TXLNB: variants seen among roughly 807,000 people sequenced by gnomAD.
TXLNB encodes the protein beta-taxilin.
In TXLNB, 37 loss-of-function variants were observed where a neutral mutation model predicts 57.4. The ratio of observed to expected loss-of-function variants is 0.64; its 90% CI spans 0.50 to 0.85. The LOEUF (loss-of-function observed/expected upper bound fraction) is 0.85, where lower values mean the gene tolerates loss of function less well. TXLNB is among the 40% of genes least tolerant of loss of function. TXLNB has a pLI of 0.00. For missense variants in TXLNB, 848 were observed against 825.6 expected (o/e 1.03, Z -0.33); for synonymous variants, 302 against 309.6 (o/e 0.98, Z 0.26).
chr6:139,194,031 C>T, the TXLNB span, among the ~76,000 whole-genome samples: 9 of 151,082 alleles, frequency 6.0e-5, no homozygotes, highest in African/African-American at 1.7e-4. Context: ...TTAGTAGAGA[C>T]GGGGTTTCAC....
At chr6:139,246,429 G>A (rs1776067711) in intron 8 of TXLNB, among the ~76,000 whole-genome samples, 3 of 152,092 alleles carry the variant, frequency 2.0e-5, no homozygotes, top group Admixed American at 1.3e-4. Flanking sequence ...ATCCCTGTTC[G>A]GAAACACAGT....
chr6:139,188,020 T>A, the TXLNB span, among the ~76,000 whole-genome samples: 4 of 152,206 alleles, frequency 2.6e-5, no homozygotes, highest in Non-Finnish European at 4.4e-5. Flanking sequence ...TCAACACTTA[T>A]TTTACCGATG....
the TXLNB span, among the ~76,000 whole-genome samples, chr6:139,302,753 C>T: frequency 7.0e-6 from 1 of 142,382 alleles, no homozygotes; most frequent in Non-Finnish European, 1.5e-5. Context: ...CATTGCCCTC[C>T]AGCTTGGGCA....
the TXLNB span, among the ~76,000 whole-genome samples, chr6:139,311,809 G>A: frequency 6.6e-6 from 1 of 152,100 alleles, no homozygotes; most frequent in Non-Finnish European, 1.5e-5. Flanking sequence ...TAGGCTGGAT[G>A]GCTTAAACAA....
chr6:139,177,052 G>T, the TXLNB span: 1 of 867,544 alleles, frequency 1.2e-6, no homozygotes, highest in Admixed American at 1.7e-5. The surrounding 1 kb of genome is among the most constrained non-coding windows in gnomAD (Gnocchi z 4.9). Context: ...TGGGAACCTG[G>T]ACTACCACTT....
chr6:139,238,237 T>C (rs1002197298), downstream of TXLNB, among the ~76,000 whole-genome samples: 2 of 151,872 alleles, frequency 1.3e-5, no homozygotes, highest in African/African-American at 2.4e-5. Flanking sequence ...CTACTAAAAA[T>C]ACAAAAGTTA....
At chr6:139,292,355 T>C (rs1777321139), upstream of TXLNB, among the ~76,000 whole-genome samples, 1 of 152,200 alleles carries the variant, frequency 6.6e-6, no homozygotes, top group Non-Finnish European at 1.5e-5. This position sits in a 1 kb window ranked among gnomAD's most constrained non-coding sequence, Gnocchi z 4.0. Flanking sequence ...GTTGTCCTTT[T>C]TGGGTAGAGA....
At chr6:139,162,480 G>C in the TXLNB span, among the ~76,000 whole-genome samples, 2 of 152,234 alleles carry the variant, frequency 1.3e-5, no homozygotes, top group South Asian at 2.1e-4. Flanking sequence ...GCTCATAAAT[G>C]GTCCTGCCTG....
At position 139,242,231 on chromosome 6, in the gene TXLNB, A is replaced by C. The variant is rs1174028420; in HGVS notation, c.*295T>G. 8.3e-6 allele frequency: 2 copies of C among 241,684 alleles called. No individual in the cohort carries two copies. 15.0% of individuals were successfully genotyped at this position (241,684 alleles called of 1,614,324 possible). A position where few individuals can be genotyped will look rare whatever the true frequency, so the allele number is the denominator to read the frequency against. On this transcript the variant is annotated 3_prime_UTR_variant, in exon 10 of 10. Coordinates refer to ENST00000358430, the MANE Select transcript of TXLNB (RefSeq NM_153235.4). ...CATCAAATCTTACTGGTGATTAACAAATTTAAGTATTATCTTAACAGAAAA... is the reference window on the plus strand; with the variant it reads ...CATCAAATCTTACTGGTGATTAACACATTTAAGTATTATCTTAACAGAAAA...
At chr6:139,194,235 C>T in the TXLNB span, among the ~76,000 whole-genome samples, 6 of 152,332 alleles carry the variant, frequency 3.9e-5, no homozygotes, top group South Asian at 1.0e-3. Flanking sequence ...GCCACCGCAC[C>T]TAGCCCATCT....
At chr6:139,267,310 A>T (rs935509972) in intron 4 of TXLNB, among the ~76,000 whole-genome samples, 1 of 152,208 alleles carries the variant, frequency 6.6e-6, no homozygotes, top group Non-Finnish European at 1.5e-5. Flanking sequence ...GCTTTACAAA[A>T]GTATATAAAT....
rs575913180 is a variant in TXLNB at position 139,282,905 on chromosome 6, G to A, written c.424+5571C>T. Among the ~76,000 whole-genome samples, 6 of 145,220 alleles carry A rather than the reference G, an allele frequency of 4.1e-5. 1 individual carries two copies. In the East Asian group the frequency reaches 1.2e-3, roughly 29 times the overall value. On this transcript the variant is annotated intron_variant, in intron 2 of 9. Coordinates refer to ENST00000358430, the MANE Select transcript of TXLNB (RefSeq NM_153235.4). ...GTCTATAAAATTAGTAGGTTGACTA[G>A]ATGGATTCTGAGCTCAGAATAGCCC... is the stretch of plus-strand genomic sequence containing the variant.
chr6:139,192,179 C>A, the TXLNB span, among the ~76,000 whole-genome samples: 1 of 152,156 alleles, frequency 6.6e-6, no homozygotes, highest in African/African-American at 2.4e-5. Context: ...ATTTATTCAA[C>A]CAATTAACAA....
chr6:139,213,234 A>T, the TXLNB span, among the ~76,000 whole-genome samples: 1 of 152,004 alleles, frequency 6.6e-6, no homozygotes, highest in Non-Finnish European at 1.5e-5. Context: ...GAAGTAAAAC[A>T]CTCCTCAGCA....
chr6:139,276,199 G>GCCAA (rs1343607559), intron 3 of TXLNB, among the ~76,000 whole-genome samples: 2 of 152,102 alleles, frequency 1.3e-5, no homozygotes, highest in Non-Finnish European at 2.9e-5. Context: ...ATATATAAAT[G>GCCAA]CCAAGTCCAA....
chr6:139,281,544 T>TAGG (rs1445188030), intron 2 of TXLNB, among the ~76,000 whole-genome samples: 51 of 82,376 alleles, frequency 6.2e-4, no homozygotes, highest in Middle Eastern at 4.2e-3. Context: ...GAGTTCTTTT[T>TAGG]TTTTTTTTTT....
chr6:139,253,828 G>C (rs1165532194), intron 7 of TXLNB, among the ~76,000 whole-genome samples: 2 of 152,236 alleles, frequency 1.3e-5, no homozygotes, highest in Non-Finnish European at 2.9e-5. Context: ...TGGAGGAGTA[G>C]AGATTGCATG....
intron 8 of TXLNB, among the ~76,000 whole-genome samples, chr6:139,246,583 T>A (rs1220174172): frequency 6.6e-6 from 1 of 152,074 alleles, no homozygotes; most frequent in Non-Finnish European, 1.5e-5. Flanking sequence ...TTCACAATCT[T>A]GTGAGTTAGG....
intron 4 of TXLNB, 44 bp from the exon 5 acceptor site, chr6:139,262,817 T>C: frequency 1.3e-6 from 2 of 1,586,762 alleles, no homozygotes; most frequent in Non-Finnish European, 1.7e-6. Flanking sequence ...GCACCCCGGG[T>C]TTATAGAACT....
Sources: gnomAD v4.1 joint callset for allele counts (sites outside exome capture counted in the v4.1 genomes callset) on GRCh38, gnomAD v4.1.1 for gene constraint, Gnocchi (gnomAD v3.1) non-coding constraint, MANE v1.5 for transcripts, NCBI Gene and HGNC (gene_info 2026-07-23, HGNC 2026-07-21) for gene names.